PLPP1: variants seen among roughly 807,000 people sequenced by gnomAD.
PLPP1 encodes phospholipid phosphatase 1.
In PLPP1, 24 loss-of-function variants were observed where a neutral mutation model predicts 31.2. The observed-to-expected ratio is 0.77, with a 90% confidence interval of 0.56 to 1.08. The LOEUF (loss-of-function observed/expected upper bound fraction) is 1.08. Ranked by LOEUF, PLPP1 falls within the 50% of genes least tolerant of loss-of-function variation. The probability of loss-of-function intolerance (pLI) is 0.00; values close to 1 mark genes in which losing one functional copy is unlikely to be tolerated. For missense variants in PLPP1, 319 were observed against 342.7 expected, an observed-to-expected ratio of 0.93 and a Z score of 0.55; for synonymous variants, 146 against 126.3, an observed-to-expected ratio of 1.16 and a Z score of -1.05.
chr5:55,520,861 C>T (rs1253545439), intron 1 of PLPP1, among the ~76,000 whole-genome samples: 1 of 152,190 alleles, frequency 6.6e-6, no homozygotes, highest in South Asian at 2.1e-4. Context: ...CAAAAGTTTA[C>T]ATTATCTCTG....
chr5:55,432,202 C>CA (rs1431738449), intron 4 of PLPP1, among the ~76,000 whole-genome samples: 11 of 151,338 alleles, frequency 7.3e-5, no homozygotes, highest in African/African-American at 2.7e-4. Flanking sequence ...CTCGGCCTCT[C>CA]AAAGTCCTGG....
intron 1 of PLPP1, among the ~76,000 whole-genome samples, chr5:55,526,256 G>A (rs1467928254): frequency 6.6e-6 from 1 of 152,084 alleles, no homozygotes; most frequent in East Asian, 1.9e-4. Flanking sequence ...GTTTCCAAAG[G>A]ATGTAATTCA....
At chr5:55,483,297 T>C (rs750996580) in intron 1 of PLPP1, among the ~76,000 whole-genome samples, 1 of 152,212 alleles carries the variant, frequency 6.6e-6, no homozygotes, top group Non-Finnish European at 1.5e-5. Context: ...AAAATACAAG[T>C]GCTTAATGGT....
chr5:55,437,620 T>C (rs1355415062), intron 4 of PLPP1, among the ~76,000 whole-genome samples: 1 of 152,144 alleles, frequency 6.6e-6, no homozygotes, highest in Middle Eastern at 3.2e-3. Context: ...AAATAGTGCT[T>C]TTATGACTAG....
chr5:55,491,671 AAT>A (rs1278617208), intron 1 of PLPP1, among the ~76,000 whole-genome samples: 4 of 152,038 alleles, frequency 2.6e-5, no homozygotes, highest in Non-Finnish European at 4.4e-5. Context: ...GAGCCTGGCC[AAT>A]ATGATGAAAC....
intron 3 of PLPP1, among the ~76,000 whole-genome samples, chr5:55,446,220 C>T (rs1751761158): frequency 6.6e-6 from 1 of 152,204 alleles, no homozygotes; most frequent in African/African-American, 2.4e-5. Flanking sequence ...GCTGATTCAA[C>T]ACGTAAGACC....
chr5:55,450,765 C>T (rs1215392121), intron 3 of PLPP1, among the ~76,000 whole-genome samples: 1 of 152,096 alleles, frequency 6.6e-6, no homozygotes, highest in Non-Finnish European at 1.5e-5. Flanking sequence ...AAGGGACAAG[C>T]GGTGGATGAA....
chr5:55,481,839 G>A (rs1012184777), intron 1 of PLPP1, among the ~76,000 whole-genome samples: 1 of 151,886 alleles, frequency 6.6e-6, no homozygotes, highest in Non-Finnish European at 1.5e-5. Flanking sequence ...CAATGCTGTG[G>A]ATAGGAAATG....
chr5:55,470,275 T>C (rs1752389375), intron 2 of PLPP1, among the ~76,000 whole-genome samples: 1 of 152,250 alleles, frequency 6.6e-6, no homozygotes, highest in Non-Finnish European at 1.5e-5. Context: ...TCTTTGATTC[T>C]TGAAAACATA....
chr5:55,443,212 T>TATATATATATATATATATATACAC (rs1169152710), intron 3 of PLPP1, among the ~76,000 whole-genome samples: 5 of 104,990 alleles, frequency 4.8e-5, no homozygotes, highest in Non-Finnish European at 7.3e-5. Context: ...TATATATATA[T>TATATATATATATATATATATACAC]ACACACACAC....
Position 55,425,013 on chromosome 5 carries a change from T to G in PLPP1, c.*193A>C. On this transcript the variant is annotated 3_prime_UTR_variant, in exon 6 of 6. Transcript: ENST00000307259. ...GGTGGAAGGCTTGGAGTTTTTTTAA[T>G]GAGTTTAGAGCTATTAGATAACCAC... 2.6e-6 allele frequency: 2 copies of G among 784,074 alleles called. No individual in the cohort carries two copies. The highest frequency in any genetic ancestry group is 4.0e-6 in the Non-Finnish European group (2 of 502,988). 48.6% of individuals were successfully genotyped at this position (784,074 alleles called of 1,614,324 possible).
chr5:55,429,844 C>A (rs1168101842), intron 4 of PLPP1, among the ~76,000 whole-genome samples: 1 of 152,048 alleles, frequency 6.6e-6, no homozygotes, highest in Admixed American at 6.5e-5. Context: ...CCTGCAGATA[C>A]CATCTGGGGC....
At chr5:55,502,442 G>A (rs571597498) in intron 1 of PLPP1, among the ~76,000 whole-genome samples, 6 of 151,556 alleles carry the variant, frequency 4.0e-5, no homozygotes, top group Admixed American at 3.3e-4. Flanking sequence ...AGCCGAGATC[G>A]TGCCACTGCA....
intron 1 of PLPP1, among the ~76,000 whole-genome samples, chr5:55,489,288 G>A (rs998390820): frequency 6.6e-5 from 10 of 152,108 alleles, no homozygotes; most frequent in Non-Finnish European, 2.9e-5. Flanking sequence ...TCTTAAAAAA[G>A]AAACTTTATC....
chr5:55,532,144 T>C (rs1454459791), intron 1 of PLPP1, among the ~76,000 whole-genome samples: 2 of 152,230 alleles, frequency 1.3e-5, no homozygotes, highest in Non-Finnish European at 2.9e-5. Context: ...TATGTGATGT[T>C]TGTATCATGT....
At chr5:55,465,278 C>G (rs1346288737) in intron 3 of PLPP1, among the ~76,000 whole-genome samples, 2 of 152,114 alleles carry the variant, frequency 1.3e-5, no homozygotes. Context: ...CTCCTGACCT[C>G]GAGTGATCTG....
intron 3 of PLPP1, among the ~76,000 whole-genome samples, chr5:55,458,243 G>T: frequency 6.6e-6 from 1 of 152,122 alleles, no homozygotes; most frequent in East Asian, 1.9e-4. Flanking sequence ...GGATGAAAAT[G>T]AGTAACAAAT....
chr5:55,466,016 C>T (rs2111782392), intron 3 of PLPP1, among the ~76,000 whole-genome samples: 1 of 152,324 alleles, frequency 6.6e-6, no homozygotes, highest in East Asian at 1.9e-4. Flanking sequence ...TTCCTCAAAG[C>T]CATTTCTGGA....
intron 3 of PLPP1, among the ~76,000 whole-genome samples, chr5:55,457,631 C>T (rs190344140): frequency 1.1e-4 from 16 of 152,292 alleles, no homozygotes; most frequent in African/African-American, 3.4e-4. Context: ...GGGCTCACGC[C>T]TGTAATCCCA....
Sources: allele counts gnomAD v4.1 joint callset (sites outside exome capture counted in the v4.1 genomes callset), GRCh38; gene constraint gnomAD v4.1.1; transcripts MANE v1.5; gene names NCBI Gene and HGNC (gene_info 2026-07-23, HGNC 2026-07-21).